RBPMS: variants seen among roughly 807,000 people sequenced by gnomAD.
RBPMS encodes RNA binding protein, mRNA processing factor, also known as RNA-binding protein with multiple splicing.
RBPMS carries 7 observed loss-of-function variants against 26.8 expected under a neutral mutation model. The observed-to-expected ratio is 0.26, with a 90% CI of 0.15 to 0.49. The LOEUF (loss-of-function observed/expected upper bound fraction) is 0.49. RBPMS is among the 20% of genes least tolerant of loss of function. The pLI, the probability that RBPMS is intolerant of heterozygous loss-of-function variation, is 0.98. For synonymous variants in RBPMS, 96 were observed against 93.3 expected, an observed-to-expected ratio of 1.03 and a Z score of -0.17; for missense variants, 186 against 250.0, an observed-to-expected ratio of 0.74 and a Z score of 1.73.
rs2150520170 is a variant in RBPMS, at chr8:30,384,820, G to A, written c.-273G>A. ...TCTCCAGGTCGCCCTCCCGGGGCCCGATTGTCTCGGTGCCCCGCTCCCGGC... is the reference window on the plus strand; with the variant it reads ...TCTCCAGGTCGCCCTCCCGGGGCCCAATTGTCTCGGTGCCCCGCTCCCGGC... On this transcript the variant is annotated 5_prime_UTR_variant, in exon 1 of 9. Coordinates refer to ENST00000397323, the MANE Select transcript of RBPMS (RefSeq NM_001008710.3). This position sits in a 1 kb window ranked among gnomAD's most constrained non-coding sequence, Gnocchi z 5.6. 3 of 288,910 alleles carry A rather than the reference G, an allele frequency of 1.0e-5. No individual in the cohort carries two copies. The highest frequency in any genetic ancestry group is 1.2e-4 in the East Asian group (2 of 16,528). The allele number at this position is 288,910 out of a possible 1,614,324, so 17.9% of individuals were successfully genotyped here.
At chr8:30,565,349 G>C (rs192108188) in intron 7 of RBPMS, 5 of 152,302 alleles carry the variant, frequency 3.3e-5, no homozygotes, top group African/African-American at 7.2e-5. Flanking sequence ...AGCTGAGCCA[G>C]TGCCACCTTT....
At chr8:30,491,830 C>T (rs2150889830) in intron 4 of RBPMS, among the ~76,000 whole-genome samples, 1 of 152,304 alleles carries the variant, frequency 6.6e-6, no homozygotes, top group Admixed American at 6.5e-5. Flanking sequence ...AATGCATTCT[C>T]TTAGCCTGCC....
intron 5 of RBPMS, among the ~76,000 whole-genome samples, chr8:30,536,711 AC>A (rs1824841920): frequency 6.6e-6 from 1 of 152,178 alleles, no homozygotes; most frequent in Admixed American, 6.5e-5. Flanking sequence ...TTCCTGAAAC[AC>A]TTTTTTTATG....
At chr8:30,455,785 G>T (rs1053501027) in intron 1 of RBPMS, among the ~76,000 whole-genome samples, 2 of 152,170 alleles carry the variant, frequency 1.3e-5, no homozygotes, top group East Asian at 3.9e-4. Flanking sequence ...AACTACTCGG[G>T]AGGCTGAGTC....
At chr8:30,484,766 A>C (rs1818617999) in intron 4 of RBPMS, among the ~76,000 whole-genome samples, 1 of 152,242 alleles carries the variant, frequency 6.6e-6, no homozygotes, top group Non-Finnish European at 1.5e-5. Context: ...AGCTGATATG[A>C]TCAGGAAAAC....
At chr8:30,453,280 C>T (rs1177053992) in intron 1 of RBPMS, among the ~76,000 whole-genome samples, 1 of 152,178 alleles carries the variant, frequency 6.6e-6, no homozygotes, top group African/African-American at 2.4e-5. Flanking sequence ...GTTCGAAATG[C>T]AGAATCTCAG....
chr8:30,421,839 T>C (rs6468341), intron 1 of RBPMS, among the ~76,000 whole-genome samples: 118,270 of 151,678 alleles, frequency 0.78, 46,401 homozygotes, highest in African/African-American at 0.86. Context: ...CCTATAGTCC[T>C]AGCTACTCGG....
intron 5 of RBPMS, among the ~76,000 whole-genome samples, chr8:30,542,665 C>T (rs1825501964): frequency 1.3e-5 from 2 of 152,352 alleles, no homozygotes; most frequent in East Asian, 3.9e-4. Context: ...TTAAAATAGC[C>T]TGGTCGCTAA....
intron 1 of RBPMS, among the ~76,000 whole-genome samples, chr8:30,443,095 G>T (rs1251744171): frequency 1.3e-5 from 2 of 152,248 alleles, no homozygotes; most frequent in Middle Eastern, 3.4e-3. Context: ...TCCTCCGTAC[G>T]GAAAGCAGTT....
chr8:30,535,539 T>A (rs1453304756), intron 5 of RBPMS, among the ~76,000 whole-genome samples: 1 of 152,176 alleles, frequency 6.6e-6, no homozygotes, highest in Non-Finnish European at 1.5e-5. Context: ...AAATGGAAAG[T>A]TCATTAGATC....
Position 30,484,825 on chromosome 8 carries a change from A to G in RBPMS, c.246+5448A>G, listed in dbSNP as rs543849628. 1.8e-4 allele frequency among the ~76,000 whole-genome samples: 27 copies of G among 152,322 alleles called. No individual in the cohort carries two copies. In the East Asian group the frequency reaches 5.2e-3, roughly 29 times the overall value. ...AATTCCTGGCATTCAAATAAACACT[A>G]CAGTTATTTATAAATATCACAGTGA... On this transcript the variant is annotated intron_variant, in intron 4 of 8. Transcript: ENST00000397323.
intron 4 of RBPMS, among the ~76,000 whole-genome samples, chr8:30,491,359 G>A (rs1425052012): frequency 6.6e-6 from 1 of 152,094 alleles, no homozygotes; most frequent in African/African-American, 2.4e-5. Flanking sequence ...ATTATCTTTG[G>A]GGGAGGGGGA....
intron 7 of RBPMS, among the ~76,000 whole-genome samples, chr8:30,559,219 G>C (rs1322165869): frequency 6.6e-6 from 1 of 152,184 alleles, no homozygotes. Context: ...TAAGCAGTCA[G>C]TGCTAATTTC....
intron 6 of RBPMS, chr8:30,549,392 A>G (rs984733678): frequency 2.5e-5 from 22 of 878,004 alleles, no homozygotes; most frequent in Non-Finnish European, 4.0e-5. Flanking sequence ...GCTTTGAAGG[A>G]CTGCAGAGCT....
chr8:30,386,818 T>C (rs968012440), intron 1 of RBPMS, among the ~76,000 whole-genome samples: 4 of 152,246 alleles, frequency 2.6e-5, no homozygotes, highest in Admixed American at 6.5e-5. Context: ...TAGAATATTA[T>C]ATGAAACCAT....
At chr8:30,426,371 C>T (rs1050520412) in intron 1 of RBPMS, among the ~76,000 whole-genome samples, 2 of 152,102 alleles carry the variant, frequency 1.3e-5, no homozygotes, top group Non-Finnish European at 2.9e-5. Flanking sequence ...TAATTAAGTA[C>T]CTGCCCTGTG....
chr8:30,545,227 A>C (rs1379835817), intron 6 of RBPMS: 2 of 1,257,614 alleles, frequency 1.6e-6, no homozygotes, highest in Non-Finnish European at 2.0e-6. Context: ...CAAGGTAGAG[A>C]TCTCTATTCT....
At chr8:30,559,867 T>TTTCCTTTTA (rs1827302656) in intron 7 of RBPMS, among the ~76,000 whole-genome samples, 1 of 152,204 alleles carries the variant, frequency 6.6e-6, no homozygotes, top group Non-Finnish European at 1.5e-5. Flanking sequence ...CCTTGGAGAC[T>TTTCCTTTTA]TCTATTGTAA....
chr8:30,449,305 C>T (rs1814254977), intron 1 of RBPMS, among the ~76,000 whole-genome samples: 1 of 151,016 alleles, frequency 6.6e-6, no homozygotes, highest in Admixed American at 6.6e-5. Flanking sequence ...CCTGAAGCAA[C>T]TTGAATAATG....
Sources: allele counts gnomAD v4.1 joint callset (sites outside exome capture counted in the v4.1 genomes callset), GRCh38; gene constraint gnomAD v4.1.1; non-coding constraint Gnocchi (gnomAD v3.1); transcripts MANE v1.5; gene names NCBI Gene and HGNC (gene_info 2026-07-23, HGNC 2026-07-21).